Variants in CHLSN observed in about 807,000 individuals in gnomAD.
CHLSN encodes cholesin.
the CHLSN span, among the ~76,000 whole-genome samples, chr7:1,052,766 G>A: frequency 1.1e-4 from 17 of 152,080 alleles, no homozygotes; most frequent in Non-Finnish European, 2.1e-4. The surrounding 1 kb of genome is among the most constrained non-coding windows in gnomAD (Gnocchi z 4.2). Context: ...GGTGACTGGA[G>A]GGCATGTGCC....
At chr7:1,055,728 T>C in the CHLSN span, among the ~76,000 whole-genome samples, 3 of 152,028 alleles carry the variant, frequency 2.0e-5, no homozygotes, top group Non-Finnish European at 4.4e-5. Flanking sequence ...GGGTGTGCCC[T>C]CCTGTCAGTG....
the CHLSN span, among the ~76,000 whole-genome samples, chr7:1,120,618 G>T: frequency 2.6e-5 from 4 of 152,148 alleles, no homozygotes; most frequent in Non-Finnish European, 5.9e-5. Context: ...AATTAACCAC[G>T]CACTTACTAT....
At chr7:1,000,452 G>A in the CHLSN span, 1 of 1,567,578 alleles carries the variant, frequency 6.4e-7, no homozygotes, top group Non-Finnish European at 8.7e-7. Flanking sequence ...AGACGTGCCT[G>A]CCCCGCCGTG....
the CHLSN span, chr7:1,080,867 G>A: frequency 6.6e-6 from 1 of 152,360 alleles, no homozygotes. Context: ...GGTGGGCTGA[G>A]AGCCGCTTGG....
the CHLSN span, among the ~76,000 whole-genome samples, chr7:1,016,190 C>T: frequency 1.0e-5 from 1 of 96,802 alleles, no homozygotes; most frequent in Non-Finnish European, 2.0e-5. Flanking sequence ...CACACGCCAG[C>T]ACACAGCAGC....
chr7:1,071,942 C>T, the CHLSN span, among the ~76,000 whole-genome samples: 1 of 152,230 alleles, frequency 6.6e-6, no homozygotes, highest in Non-Finnish European at 1.5e-5. Context: ...AGGCTCTGCA[C>T]CTGGTCGGCA....
the CHLSN span, among the ~76,000 whole-genome samples, chr7:1,132,094 G>A: frequency 0.61 from 92,266 of 152,128 alleles, 29,694 homozygotes; most frequent in African/African-American, 0.83. Context: ...AGCTAAAAGT[G>A]TAAAATTATT....
chr7:1,027,126 C>T, the CHLSN span: 1 of 152,252 alleles, frequency 6.6e-6, no homozygotes, highest in Non-Finnish European at 1.5e-5. Context: ...TGAAGTGTAT[C>T]ATCATGTCAA....
At chr7:1,074,297 G>A in the CHLSN span, among the ~76,000 whole-genome samples, 1 of 73,542 alleles carries the variant, frequency 1.4e-5, no homozygotes, top group African/African-American at 5.8e-5. Context: ...CTGCCATCAC[G>A]CCTCCCGGCC....
chr7:1,036,214 C>G, the CHLSN span, among the ~76,000 whole-genome samples: 1 of 152,220 alleles, frequency 6.6e-6, no homozygotes, highest in Non-Finnish European at 1.5e-5. Flanking sequence ...TTATCAAAAC[C>G]CACAGAGCAT....
chr7:1,030,832 A>G, the CHLSN span, among the ~76,000 whole-genome samples: 99,877 of 151,936 alleles, frequency 0.66, 34,491 homozygotes, highest in African/African-American at 0.87. Context: ...GGCAGGTGCC[A>G]CCATGCCTGC....
chr7:1,053,348 G>A, the CHLSN span, among the ~76,000 whole-genome samples: 4 of 152,376 alleles, frequency 2.6e-5, no homozygotes, highest in South Asian at 4.1e-4. Flanking sequence ...AGAACCTTGC[G>A]CAGGACAGGA....
chr7:1,019,799 TG>T, the CHLSN span, among the ~76,000 whole-genome samples: 1 of 152,082 alleles, frequency 6.6e-6, no homozygotes, highest in East Asian at 1.9e-4. Context: ...TGATGGAGTG[TG>T]GGGGGCTGGG....
the CHLSN span, among the ~76,000 whole-genome samples, chr7:1,072,554 C>T: frequency 1.3e-5 from 2 of 152,194 alleles, no homozygotes; most frequent in Admixed American, 6.5e-5. Context: ...CTTTCCAAAA[C>T]GGTCTGTGGG....
chr7:1,040,794 C>T, the CHLSN span, among the ~76,000 whole-genome samples: 1 of 152,130 alleles, frequency 6.6e-6, no homozygotes, highest in African/African-American at 2.4e-5. Flanking sequence ...AAGCTATGGA[C>T]TGGGACAAAA....
chr7:1,062,570 G>T, the CHLSN span, among the ~76,000 whole-genome samples: 3 of 152,272 alleles, frequency 2.0e-5, no homozygotes, highest in Non-Finnish European at 4.4e-5. Context: ...GGCTGAAGGA[G>T]CAGGCCTGCC....
chr7:1,016,792 GCAGCA>G, the CHLSN span, among the ~76,000 whole-genome samples: 2 of 67,890 alleles, frequency 2.9e-5, 1 homozygote, highest in Non-Finnish European at 5.3e-5. Flanking sequence ...ACAGCACACA[GCAGCA>G]CACAGCAGCA....
the CHLSN span, among the ~76,000 whole-genome samples, chr7:1,082,759 G>A: frequency 1.3e-5 from 2 of 152,244 alleles, no homozygotes; most frequent in Non-Finnish European, 2.9e-5. Context: ...TGGACACAGA[G>A]AACGCAGAGA....
chr7:1,017,288 G>A, the CHLSN span, among the ~76,000 whole-genome samples: 1 of 152,226 alleles, frequency 6.6e-6, no homozygotes, highest in Admixed American at 6.5e-5. Flanking sequence ...TGGAGCTGCG[G>A]GGAGGGACGC....
Sources: gnomAD v4.1 joint callset for allele counts (sites outside exome capture counted in the v4.1 genomes callset) on GRCh38, gnomAD v4.1.1 for gene constraint, Gnocchi (gnomAD v3.1) non-coding constraint, MANE v1.5 for transcripts, NCBI Gene and HGNC (gene_info 2026-07-23, HGNC 2026-07-21) for gene names.